Variants in LPO observed in about 807,000 individuals in gnomAD.
LPO encodes salivary peroxidase.
LPO carries 70 observed loss-of-function variants against 68.4 expected under a neutral mutation model. That is an observed-to-expected ratio of 1.02 (90% CI 0.84 to 1.25). The LOEUF is 1.25. LPO is among the 50% of genes most tolerant of loss of function. The pLI is 0.00. For synonymous variants in LPO, 360 were observed against 357.6 expected (o/e 1.01, Z -0.08); for missense variants, 873 against 908.4 (o/e 0.96, Z 0.50).
chr17:58,247,660 T>G (rs1969877187), intron 4 of LPO, 22 bp downstream of exon 4: 3 of 1,606,878 alleles, frequency 1.9e-6, no homozygotes, highest in Non-Finnish European at 2.6e-6. Flanking sequence ...CCACCAGCCC[T>G]CTGTGGCAGG....
chr17:58,242,925 C>T, intron 1 of LPO, 53 bp from the exon 2 acceptor site: 1 of 1,513,896 alleles, frequency 6.6e-7, no homozygotes, highest in Non-Finnish European at 9.2e-7. Context: ...GGTTCAAACC[C>T]TCCCACTTGG....
At chr17:58,247,867 C>G (rs965151330) in intron 4 of LPO, among the ~76,000 whole-genome samples, 9 of 152,216 alleles carry the variant, frequency 5.9e-5, no homozygotes, top group Non-Finnish European at 1.0e-4. Context: ...CTAGCAAGCT[C>G]ACATGGCCGA....
At chr17:58,242,839 T>C (rs1424649774) in intron 1 of LPO, 139 bp from the exon 2 acceptor site, 1 of 680,472 alleles carries the variant, frequency 1.5e-6, no homozygotes, top group Non-Finnish European at 2.6e-6. Context: ...AGATGCTTCA[T>C]TCGTTAATGT....
chr17:58,243,034 G>C lies in LPO; in HGVS notation c.55G>C (p.Ala19Pro). The change falls in exon 2 of 13, where the codon GCT becomes CCT. Residue 19 changes from alanine to proline, a missense_variant. Coordinates refer to ENST00000262290, the MANE Select transcript of LPO (RefSeq NM_006151.3). ...ALLASLILLQAAASTTRAQTT... is the reference protein window; with the variant it reads ...ALLASLILLQPAASTTRAQTT... Reference sequence around the variant, plus strand: ...CCTGGCTTCCCTCATCTTGCTTCAGGCTGCAGCATCTACCACAAGAGGTGA... The same window carrying C: ...CCTGGCTTCCCTCATCTTGCTTCAGCCTGCAGCATCTACCACAAGAGGTGA... The C allele has an allele frequency of 6.2e-7, 1 of 1,613,986 alleles. No individual in the cohort carries two copies. The highest frequency in any genetic ancestry group is 8.5e-7 in the Non-Finnish European group (1 of 1,179,994).
rs182592673 is a variant in LPO, at chr17:58,264,568, C to T, written c.1267-154C>T. ...TGATTGATTAGCAATGTCTGCTATGCTCATAGGAATGGGAACTGGGCACAT... is the reference window on the plus strand; with the variant it reads ...TGATTGATTAGCAATGTCTGCTATGTTCATAGGAATGGGAACTGGGCACAT... On this transcript the variant is annotated intron_variant, in intron 9 of 12. Coordinates refer to ENST00000262290, the MANE Select transcript of LPO (RefSeq NM_006151.3). Among the ~76,000 whole-genome samples the T allele has an allele frequency of 7.9e-5, 12 of 152,340 alleles. No individual in the cohort carries two copies. The East Asian group carries it at 2.3e-3, about 29-fold the overall frequency.
intron 1 of LPO, among the ~76,000 whole-genome samples, chr17:58,240,508 C>A (rs1416431612): frequency 6.6e-6 from 1 of 152,178 alleles, no homozygotes; most frequent in Non-Finnish European, 1.5e-5. Flanking sequence ...TTTCTGCACA[C>A]CCCCTTTTCA....
At chr17:58,260,882 T>A (rs909648221) in intron 9 of LPO, among the ~76,000 whole-genome samples, 6 of 152,206 alleles carry the variant, frequency 3.9e-5, no homozygotes, top group Non-Finnish European at 7.3e-5. Flanking sequence ...TCGGACTTCA[T>A]CTTTAACCTA....
Position 58,250,490 on chromosome 17 carries a change from T to C in LPO, c.649T>C (p.Phe217Leu), listed in dbSNP as rs1969938028. The change falls in exon 7 of 13, where the codon TTC becomes CTC. Residue 217 changes from phenylalanine (F) to leucine (L), a missense_variant. Coordinates refer to ENST00000262290, the MANE Select transcript of LPO (RefSeq NM_006151.3). ...TCTGGACCAAAACAGGTCCCTGCTC[T>C]TCATGCAGTGGGGTCAGATTGTGGA... ...GVLDQNRSLL[F>L]MQWGQIVDHD... 6.2e-7 allele frequency: 1 copy of C among 1,614,078 alleles called. No individual in the cohort carries two copies. The highest frequency in any genetic ancestry group is 8.5e-7 in the Non-Finnish European group (1 of 1,180,034).
At chr17:58,240,961 T>C (rs1455817515) in intron 1 of LPO, among the ~76,000 whole-genome samples, 1 of 152,130 alleles carries the variant, frequency 6.6e-6, no homozygotes, top group African/African-American at 2.4e-5. Flanking sequence ...TGGTGTTCAA[T>C]GGGTATAGGG....
chr17:58,249,701 G>A lies in LPO; in HGVS notation c.573+6G>A, dbSNP rs903759692. 7 of 1,556,948 alleles carry A rather than the reference G, an allele frequency of 4.5e-6. No individual in the cohort carries two copies. The highest frequency in any genetic ancestry group is 2.3e-5 in the South Asian group (2 of 85,904). On this transcript the variant is annotated splice_donor_region_variant and intron_variant, in intron 6 of 12. Coordinates refer to ENST00000262290, the MANE Select transcript of LPO (RefSeq NM_006151.3). ...ACGGCTTCCCTCTCCCGCTGGTGAG[G>A]GCAGGCCGGGCCGGGGTGAAGGATG...
At chr17:58,239,669 G>A (rs1019169837) in intron 1 of LPO, among the ~76,000 whole-genome samples, 2 of 152,066 alleles carry the variant, frequency 1.3e-5, no homozygotes, top group African/African-American at 2.4e-5. Flanking sequence ...TCTCCTTGGT[G>A]ACTGCTCAGC....
intron 8 of LPO, 167 bp from the exon 9 acceptor site, chr17:58,254,644 A>G (rs1970033927): frequency 1.7e-6 from 1 of 594,390 alleles, no homozygotes; most frequent in South Asian, 2.1e-5. Flanking sequence ...CAAACCTATG[A>G]TTCAGTACCC....
Position 58,244,004 on chromosome 17 carries a change from C to T in LPO, c.87C>T (p.Thr29=), listed in dbSNP as rs1355357510. ...CACTCCAACCCCAAGCGCAGACTAC[C>T]AGAACCTCTGCCATCTCCGATACTG... ...AAASTTRAQT[T]RTSAISDTVS... The change falls in exon 3 of 13, where the codon ACC becomes ACT. Residue 29 remains threonine, a synonymous_variant. Coordinates refer to ENST00000262290, the MANE Select transcript of LPO (RefSeq NM_006151.3). 7 of 1,613,626 alleles carry T rather than the reference C, an allele frequency of 4.3e-6. No individual in the cohort carries two copies. The highest frequency in any genetic ancestry group is 5.9e-6 in the Non-Finnish European group (7 of 1,179,866).
Position 58,243,177 on chromosome 17 carries a change from T to G in LPO, c.76+122T>G, listed in dbSNP as rs1969789217. 7 of 934,332 alleles carry G rather than the reference T, an allele frequency of 7.5e-6. No individual in the cohort carries two copies. The African/African-American group carries it at 9.7e-5, about 13-fold the overall frequency. The allele number at this position is 934,332 out of a possible 1,614,324, so 57.9% of individuals were successfully genotyped here. A position where few individuals can be genotyped will look rare whatever the true frequency, so the allele number is the denominator to read the frequency against. ...GGAGGATAGAAGTCCAAAATCAAGG[T>G]GTTGGCAGGGCTGTGCTCCCTCTGA... On this transcript the variant is annotated intron_variant, in intron 2 of 12. Transcript: ENST00000262290.
chr17:58,244,156 A>G, intron 3 of LPO, 75 bp downstream of exon 3: 2 of 1,278,960 alleles, frequency 1.6e-6, no homozygotes, highest in South Asian at 1.2e-5. Context: ...CTTCCTGTTC[A>G]TGACAAGCAC....
rs1969806360 is a variant in LPO, at chr17:58,243,981, C to G, written c.77-13C>G. 1 of 1,607,450 alleles carries G rather than the reference C, an allele frequency of 6.2e-7. No individual in the cohort carries two copies. Among genetic ancestry groups the G allele is most frequent in the Non-Finnish European group, 8.5e-7 (1 of 1,174,094 alleles). ...CTGACACCCTACTTCCTGCTCCCCA[C>G]TCCAACCCCAAGCGCAGACTACCAG... On this transcript the variant is annotated splice_polypyrimidine_tract_variant and intron_variant, in intron 2 of 12. Transcript: ENST00000262290.
At chr17:58,250,702 A>AATG in intron 7 of LPO, 81 bp downstream of exon 7, 1 of 1,400,320 alleles carries the variant, frequency 7.1e-7, no homozygotes, top group Non-Finnish European at 1.0e-6. Context: ...ATCAGCTAGG[A>AATG]TCTCTGGATA....
rs1970226429 is a variant in LPO, at chr17:58,264,700, CTTGAT to C, written c.1267-19_1267-15del. ...TTTAAACCTTCTTACACCCTTTCCT[CTTGAT>C]TTTATTCTCCCTCCAGATTATCACC... On this transcript the variant is annotated splice_polypyrimidine_tract_variant and intron_variant, in intron 9 of 12. Coordinates refer to ENST00000262290, the MANE Select transcript of LPO (RefSeq NM_006151.3). 2 of 1,612,778 alleles carry C rather than the reference CTTGAT, an allele frequency of 1.2e-6. No homozygotes were observed. Among genetic ancestry groups the C allele is most frequent in the East Asian group, 2.2e-5 (1 of 44,878 alleles).
At position 58,250,620 on chromosome 17, in the gene LPO, T is replaced by C; in HGVS notation, c.779T>C (p.Met260Thr). 6.2e-7 allele frequency: 1 copy of C among 1,613,926 alleles called. No homozygotes were observed. Among genetic ancestry groups the C allele is most frequent in the Non-Finnish European group, 8.5e-7 (1 of 1,179,936 alleles). The change falls in exon 7 of 13, where the codon ATG becomes ACG. Residue 260 changes from methionine to threonine, a missense_variant and splice_region_variant. Physicochemically the swap from Met to Thr is moderately conservative, Grantham distance 81. Transcript: ENST00000262290. ...CAGGGAGACAACTGCTTCCCCATCA[T>C]GGTACGGCCCTGCAGCTAGGCATCT... ...CIQGDNCFPI[M>T]FPPNDPKAGT...
Sources: gnomAD v4.1 joint callset for allele counts (sites outside exome capture counted in the v4.1 genomes callset) on GRCh38, gnomAD v4.1.1 for gene constraint, MANE v1.5 for transcripts, NCBI Gene and HGNC (gene_info 2026-07-23, HGNC 2026-07-21) for gene names.